The following RPRD1A variants were observed in gnomAD, a reference collection of about 807,000 sequenced individuals.
RPRD1A encodes the protein regulation of nuclear pre-mRNA domain containing 1A, also known as regulation of nuclear pre-mRNA domain-containing protein 1A.
A neutral mutation model predicts 37.8 loss-of-function variants in RPRD1A; 9 were observed. The ratio of observed to expected loss-of-function variants is 0.24; its 90% CI spans 0.14 to 0.42. The LOEUF (loss-of-function observed/expected upper bound fraction) is 0.42. Among genes scored for constraint, RPRD1A ranks in the 10% least tolerant of loss-of-function variants. The pLI, the probability that RPRD1A is intolerant of heterozygous loss-of-function variation, is 1.00. For missense variants in RPRD1A, 255 were observed against 371.0 expected, an observed-to-expected ratio of 0.69 and a Z score of 2.57; for synonymous variants, 138 against 139.7, an observed-to-expected ratio of 0.99 and a Z score of 0.08.
intron 6 of RPRD1A, chr18:36,025,722 G>T: frequency 9.4e-7 from 1 of 1,061,502 alleles, no homozygotes; most frequent in Non-Finnish European, 1.2e-6. Context: ...CATACTAAAA[G>T]ACTAAAGACA....
intron 6 of RPRD1A, among the ~76,000 whole-genome samples, chr18:36,001,609 T>G (rs374810818): frequency 6.6e-6 from 1 of 152,214 alleles, no homozygotes; most frequent in Non-Finnish European, 1.5e-5. Context: ...GGCTTATGTT[T>G]GTAAGCAAAA....
At chr18:36,062,273 C>T (rs1306739064) in intron 1 of RPRD1A, among the ~76,000 whole-genome samples, 3 of 144,632 alleles carry the variant, frequency 2.1e-5, no homozygotes, top group Non-Finnish European at 3.0e-5. Context: ...GCCGAGATTG[C>T]GCCACTGCAG....
intron 6 of RPRD1A, among the ~76,000 whole-genome samples, chr18:36,001,943 T>C (rs1490743175): frequency 1.3e-5 from 2 of 152,230 alleles, no homozygotes; most frequent in Non-Finnish European, 2.9e-5. Context: ...TCAACACTTA[T>C]CTTCTTGCTT....
chr18:36,018,959 TAACA>T (rs1910795495), intron 6 of RPRD1A, among the ~76,000 whole-genome samples: 1 of 152,100 alleles, frequency 6.6e-6, no homozygotes, highest in African/African-American at 2.4e-5. Context: ...CCCTCTCTGT[TAACA>T]ATCAGCAAAG....
chr18:36,035,821 G>A (rs1229258679), intron 1 of RPRD1A, among the ~76,000 whole-genome samples: 1 of 152,100 alleles, frequency 6.6e-6, no homozygotes, highest in African/African-American at 2.4e-5. Flanking sequence ...CATCATGCCA[G>A]GTGAAATAAT....
chr18:36,001,775 C>T (rs1909432709), intron 6 of RPRD1A, among the ~76,000 whole-genome samples: 3 of 152,126 alleles, frequency 2.0e-5, no homozygotes, highest in South Asian at 2.1e-4. Context: ...GCTTATGTAC[C>T]GAATATAGTT....
intron 6 of RPRD1A, among the ~76,000 whole-genome samples, chr18:36,005,959 A>C (rs889443140): frequency 7.9e-5 from 12 of 152,116 alleles, no homozygotes; most frequent in Admixed American, 4.6e-4. Context: ...AATGGTTTTA[A>C]TGTATTTTTT....
intron 6 of RPRD1A, among the ~76,000 whole-genome samples, chr18:36,020,464 T>C (rs1598619547): frequency 6.6e-6 from 1 of 152,176 alleles, no homozygotes; most frequent in Admixed American, 6.5e-5. Flanking sequence ...TCAGAAATCA[T>C]CAAAGAAGGC....
intron 6 of RPRD1A, among the ~76,000 whole-genome samples, chr18:36,020,196 T>A (rs1370895626): frequency 6.6e-6 from 1 of 152,196 alleles, no homozygotes; most frequent in African/African-American, 2.4e-5. Context: ...TAATATGTAA[T>A]GATAAGTCTT....
chr18:36,064,444 G>A (rs544829834), intron 1 of RPRD1A: 1 of 152,494 alleles, frequency 6.6e-6, no homozygotes, highest in African/African-American at 2.4e-5. Flanking sequence ...TTTCTGTCTA[G>A]CTAAAGGATT....
In RPRD1A at chr18:36,033,085, C is replaced by T. The variant is rs147730458; in HGVS notation, c.281+623G>A. Among the ~76,000 whole-genome samples the T allele has an allele frequency of 8.4e-4, 128 of 151,968 alleles. 3 individuals carry two copies. The East Asian group carries it at 0.019, about 23-fold the overall frequency. On this transcript the variant is annotated intron_variant, in intron 2 of 6. Coordinates refer to ENST00000399022, the MANE Select transcript of RPRD1A (RefSeq NM_018170.5). The stretch of plus-strand genomic sequence containing the variant: ...TTGGGAGGCCGAGGCAGGTGGATCA[C>T]GAGGTCAGGAGTTCAAGACCAGCCT...
intron 1 of RPRD1A, among the ~76,000 whole-genome samples, chr18:36,044,524 C>A (rs1314412560): frequency 6.6e-6 from 1 of 151,856 alleles, no homozygotes; most frequent in African/African-American, 2.4e-5. Flanking sequence ...CCCATCTCTA[C>A]TAAAAATACA....
Position 36,008,577 on chromosome 18 carries a change from G to GTGTGTATATGTATATATATATA in RPRD1A, c.790-15278_790-15277insTATATATATATACATATACACA. Among the ~76,000 whole-genome samples the GTGTGTATATGTATATATATATA allele has an allele frequency of 2.5e-4, 12 of 47,800 alleles. 1 individual carries two copies. The Admixed American group carries it at 2.8e-3, about 11-fold the overall frequency. 31.4% of individuals were successfully genotyped at this position (47,800 alleles called of 152,430 possible). ...GGCGACACAGCAAGACCTTGTGTGT[G>GTGTGTATATGTATATATATATA]TATATATATATATCTTTAAAAATCT... is the stretch of plus-strand genomic sequence containing the variant. On this transcript the variant is annotated intron_variant, in intron 6 of 6. Transcript: ENST00000399022.
chr18:36,044,680 T>G lies in RPRD1A; in HGVS notation c.152-10843A>C, dbSNP rs551270273. On this transcript the variant is annotated intron_variant, in intron 1 of 6. Coordinates refer to ENST00000399022, the MANE Select transcript of RPRD1A (RefSeq NM_018170.5). Reference sequence around the variant, plus strand: ...TCCAGCCTGGACGACAGAGCGAGACTCAGTATCAAAAAATATAAAAAATAA... The same window carrying G: ...TCCAGCCTGGACGACAGAGCGAGACGCAGTATCAAAAAATATAAAAAATAA... Among the ~76,000 whole-genome samples, 27 of 151,574 alleles carry G rather than the reference T, an allele frequency of 1.8e-4. No homozygotes were observed. In the East Asian group the frequency reaches 2.8e-3, roughly 16 times the overall value.
chr18:36,002,278 GTTCTAT>G (rs1227863435), intron 6 of RPRD1A, among the ~76,000 whole-genome samples: 1 of 152,186 alleles, frequency 6.6e-6, no homozygotes, highest in Non-Finnish European at 1.5e-5. Flanking sequence ...ATTCTTGGCT[GTTCTAT>G]TTGTGGGGAC....
intron 1 of RPRD1A, among the ~76,000 whole-genome samples, chr18:36,038,868 C>G (rs1912382729): frequency 6.6e-6 from 1 of 152,122 alleles, no homozygotes; most frequent in Non-Finnish European, 1.5e-5. Flanking sequence ...GCCTATACCC[C>G]TCTTGTTTTG....
rs574742843 is a variant in RPRD1A, at chr18:36,032,350, A to G, written c.282-1253T>C. Among the ~76,000 whole-genome samples the G allele has an allele frequency of 2.0e-5, 3 of 152,378 alleles. No homozygotes were observed. The East Asian group carries it at 5.8e-4, about 29-fold the overall frequency. Reference sequence around the variant, plus strand: ...ACTGAATTCTAGGGAGGGGCAACATATATAGAAGACTTAAGGCGGAAAGAA... The same window carrying G: ...ACTGAATTCTAGGGAGGGGCAACATGTATAGAAGACTTAAGGCGGAAAGAA... On this transcript the variant is annotated intron_variant, in intron 2 of 6. Coordinates refer to ENST00000399022, the MANE Select transcript of RPRD1A (RefSeq NM_018170.5).
chr18:36,009,799 G>A (rs1333481710), intron 6 of RPRD1A, among the ~76,000 whole-genome samples: 1 of 152,198 alleles, frequency 6.6e-6, no homozygotes, highest in Non-Finnish European at 1.5e-5. Flanking sequence ...TACTGCTACT[G>A]AGAAACTGGA....
chr18:35,997,195 A>G lies in RPRD1A; in HGVS notation c.790-3895T>C, dbSNP rs142766031. 9.9e-5 allele frequency among the ~76,000 whole-genome samples: 15 copies of G among 152,250 alleles called. No individual in the cohort carries two copies. In the Middle Eastern group the frequency reaches 0.01, roughly 104 times the overall value. On this transcript the variant is annotated intron_variant, in intron 6 of 6. Coordinates refer to ENST00000399022, the MANE Select transcript of RPRD1A (RefSeq NM_018170.5). The stretch of plus-strand genomic sequence containing the variant: ...TTTTCCTCCTTTACCTGTCCAGGAT[A>G]CCAATTTCTTTCCATACTTCCAAGT...
Sources: gnomAD v4.1 joint callset for allele counts (sites outside exome capture counted in the v4.1 genomes callset) on GRCh38, gnomAD v4.1.1 for gene constraint, MANE v1.5 for transcripts, NCBI Gene and HGNC (gene_info 2026-07-23, HGNC 2026-07-21) for gene names.